Variants in SEMA5A observed in about 807,000 individuals in gnomAD.
SEMA5A encodes semaphorin 5A.
A neutral mutation model predicts 135.5 loss-of-function variants in SEMA5A; 55 were observed. The observed-to-expected ratio is 0.41, with a 90% CI of 0.33 to 0.51. The LOEUF is 0.51. SEMA5A is among the 20% of genes least tolerant of loss of function. The probability of loss-of-function intolerance (pLI) is 0.37; values close to 1 mark genes in which losing one functional copy is unlikely to be tolerated. For missense variants in SEMA5A, 1,290 were observed against 1,419.9 expected (o/e 0.91, Z 1.47); for synonymous variants, 580 against 546.5 (o/e 1.06, Z -0.85).
At chr5:9,403,136 T>C (rs562977617) in intron 2 of SEMA5A, among the ~76,000 whole-genome samples, 1 of 152,330 alleles carries the variant, frequency 6.6e-6, no homozygotes, top group African/African-American at 2.4e-5. Context: ...ACAAAAGCTG[T>C]GTTAATTACC....
In SEMA5A at chr5:9,237,896, G is replaced by C; in HGVS notation, c.271-6C>G. On this transcript the variant is annotated splice_polypyrimidine_tract_variant and splice_region_variant and intron_variant, in intron 5 of 22. Transcript: ENST00000382496. Reference sequence around the variant, plus strand: ...TCACACTCCCATTCCACAGCCTGTAGAAAACACCAAAACAATAGCAGTCAT... The same window carrying C: ...TCACACTCCCATTCCACAGCCTGTACAAAACACCAAAACAATAGCAGTCAT... 2 of 1,613,190 alleles carry C rather than the reference G, an allele frequency of 1.2e-6. No individual in the cohort carries two copies. Among genetic ancestry groups the C allele is most frequent in the Middle Eastern group, 1.7e-4 (1 of 6,052 alleles).
chr5:9,101,182 T>C (rs1739610651), intron 16 of SEMA5A, among the ~76,000 whole-genome samples: 1 of 152,232 alleles, frequency 6.6e-6, no homozygotes. Flanking sequence ...CAAACTTCTA[T>C]AAGCTCATTG....
chr5:9,152,312 T>C (rs1234595721), intron 12 of SEMA5A, among the ~76,000 whole-genome samples: 1 of 152,176 alleles, frequency 6.6e-6, no homozygotes, highest in African/African-American at 2.4e-5. Flanking sequence ...TATGACATCC[T>C]GTTGGCCAGA....
chr5:9,088,636 TAA>T (rs1491589091), intron 16 of SEMA5A, among the ~76,000 whole-genome samples: 49 of 71,286 alleles, frequency 6.9e-4, no homozygotes, highest in African/African-American at 5.4e-3. Flanking sequence ...CCTACATTTA[TAA>T]TATATATATA....
At chr5:9,249,609 A>G (rs1331344600) in intron 5 of SEMA5A, among the ~76,000 whole-genome samples, 1 of 152,142 alleles carries the variant, frequency 6.6e-6, no homozygotes. Context: ...AGGGAAAATT[A>G]TTTCTTCCTG....
intron 2 of SEMA5A, among the ~76,000 whole-genome samples, chr5:9,417,749 A>T (rs1374708542): frequency 1.3e-5 from 2 of 152,178 alleles, no homozygotes; most frequent in African/African-American, 4.8e-5. Flanking sequence ...CATTTATTAC[A>T]TCTTTCCTGC....
chr5:9,426,682 G>C (rs1248526356), intron 2 of SEMA5A, among the ~76,000 whole-genome samples: 1 of 152,018 alleles, frequency 6.6e-6, no homozygotes, highest in East Asian at 1.9e-4. Context: ...AATCAATAAA[G>C]TCTTCACAAA....
chr5:9,325,700 C>A (rs1040022622), intron 4 of SEMA5A, among the ~76,000 whole-genome samples: 86 of 152,242 alleles, frequency 5.6e-4, no homozygotes, highest in African/African-American at 2.0e-3. Context: ...TGACTCATTT[C>A]ATCTAGAGAC....
intron 1 of SEMA5A, among the ~76,000 whole-genome samples, chr5:9,447,849 C>T (rs1758491323): frequency 6.6e-6 from 1 of 152,158 alleles, no homozygotes; most frequent in Admixed American, 6.5e-5. Context: ...TCCATTTTAG[C>T]ACAAACTGTC....
At chr5:9,291,605 AAG>A (rs113178598) in intron 5 of SEMA5A, among the ~76,000 whole-genome samples, 15 of 126,650 alleles carry the variant, frequency 1.2e-4, no homozygotes, top group African/African-American at 2.0e-4. Context: ...GAGAGAGAGA[AAG>A]AGAGAGAGAG....
intron 8 of SEMA5A, among the ~76,000 whole-genome samples, chr5:9,221,940 G>A (rs1747024853): frequency 6.6e-6 from 1 of 152,140 alleles, no homozygotes; most frequent in African/African-American, 2.4e-5. Context: ...TTACGGAGCT[G>A]ACCTGAGGGC....
rs534604500 is a variant in SEMA5A, at chr5:9,364,844, C to CA, written c.124+14978dup. Among the ~76,000 whole-genome samples, 843 of 152,144 alleles carry CA rather than the reference C, an allele frequency of 5.5e-3. 4 individuals are homozygous for CA. Among genetic ancestry groups the CA allele is most frequent in the Non-Finnish European group, 8.8e-3 (600 of 67,994 alleles). On this transcript the variant is annotated intron_variant, in intron 3 of 22. Coordinates refer to ENST00000382496, the MANE Select transcript of SEMA5A (RefSeq NM_003966.3). ...GAGTCATTCAATGTCTTCTAAAATA[C>CA]AAAAAATATATTAAAATGAGGAATT...
intron 11 of SEMA5A, 58 bp downstream of exon 11, chr5:9,190,209 C>T: frequency 6.4e-7 from 1 of 1,553,294 alleles, no homozygotes; most frequent in Non-Finnish European, 8.8e-7. Context: ...GAATCTAAAT[C>T]TAAAACACAA....
intron 1 of SEMA5A, among the ~76,000 whole-genome samples, chr5:9,455,585 A>G (rs1257403869): frequency 6.6e-6 from 1 of 152,192 alleles, no homozygotes; most frequent in Non-Finnish European, 1.5e-5. Flanking sequence ...TAGAGAAAGC[A>G]TCAGGACTAG....
At chr5:9,267,988 A>C (rs1232575580) in intron 5 of SEMA5A, among the ~76,000 whole-genome samples, 2 of 152,158 alleles carry the variant, frequency 1.3e-5, no homozygotes, top group Non-Finnish European at 2.9e-5. Flanking sequence ...AAGTTATCAC[A>C]TCCTGTATCA....
At chr5:9,347,769 A>G (rs1227834566) in intron 3 of SEMA5A, among the ~76,000 whole-genome samples, 2 of 152,178 alleles carry the variant, frequency 1.3e-5, no homozygotes, top group African/African-American at 2.4e-5. Context: ...CTCCTGTGTG[A>G]CTTTCCAGAC....
At chr5:9,207,896 GATAC>G (rs1408099801) in intron 8 of SEMA5A, among the ~76,000 whole-genome samples, 180 of 25,288 alleles carry the variant, frequency 7.1e-3, no homozygotes, top group African/African-American at 0.017. Flanking sequence ...TAGATAGATA[GATAC>G]ATAGATAGAT....
intron 5 of SEMA5A, among the ~76,000 whole-genome samples, chr5:9,254,670 T>C (rs1805984): frequency 6.6e-6 from 1 of 152,006 alleles, no homozygotes; most frequent in Admixed American, 6.6e-5. Flanking sequence ...GGTAATGCCA[T>C]AGTTTACATA....
At chr5:9,093,307 A>T (rs908531085) in intron 16 of SEMA5A, among the ~76,000 whole-genome samples, 2 of 152,242 alleles carry the variant, frequency 1.3e-5, no homozygotes, top group Admixed American at 6.5e-5. Context: ...AAAATAATTT[A>T]AAACATGATG....
Sources: gnomAD v4.1 joint callset for allele counts (sites outside exome capture counted in the v4.1 genomes callset) on GRCh38, gnomAD v4.1.1 for gene constraint, MANE v1.5 for transcripts, NCBI Gene and HGNC (gene_info 2026-07-23, HGNC 2026-07-21) for gene names.